RBM44: variants seen among roughly 807,000 people sequenced by gnomAD.
The protein encoded by RBM44 is RNA binding motif protein 44.
A neutral mutation model predicts 105.1 loss-of-function variants in RBM44; 66 were observed. The observed-to-expected ratio is 0.63, with a 90% CI of 0.52 to 0.77. The LOEUF is 0.77. RBM44 is among the 30% of genes least tolerant of loss of function. RBM44 has a pLI of 0.00. For synonymous variants in RBM44, 365 were observed against 417.6 expected (o/e 0.87, Z 1.54); for missense variants, 1,122 against 1,207.8 (o/e 0.93, Z 1.05).
At chr2:237,801,014 C>T (rs1454441260) in intron 1 of RBM44, among the ~76,000 whole-genome samples, 1 of 152,072 alleles carries the variant, frequency 6.6e-6, no homozygotes, top group Non-Finnish European at 1.5e-5. Context: ...CTACTGCGCC[C>T]AGCTGGGGTT....
intron 15 of RBM44, among the ~76,000 whole-genome samples, chr2:237,838,059 G>A (rs963189680): frequency 2.0e-5 from 3 of 152,216 alleles, no homozygotes; most frequent in African/African-American, 7.2e-5. Flanking sequence ...GTCAATTGAT[G>A]CAGCAAACTT....
At chr2:237,835,694 G>A (rs1351652888) in intron 15 of RBM44, among the ~76,000 whole-genome samples, 3 of 152,060 alleles carry the variant, frequency 2.0e-5, no homozygotes, top group Non-Finnish European at 2.9e-5. Context: ...AGAGAGGGGA[G>A]GAAGCTGAGG....
chr2:237,815,748 T>G (rs1192412878), intron 2 of RBM44, among the ~76,000 whole-genome samples: 1 of 152,148 alleles, frequency 6.6e-6, no homozygotes, highest in Non-Finnish European at 1.5e-5. Flanking sequence ...TGAAAACCAC[T>G]GCTCTCTCTC....
chr2:237,817,175 G>T lies in RBM44; in HGVS notation c.256G>T (p.Asp86Tyr). 6.2e-7 allele frequency: 1 copy of T among 1,605,620 alleles called. No individual in the cohort carries two copies. The highest frequency in any genetic ancestry group is 8.5e-7 in the Non-Finnish European group (1 of 1,176,556). ...AGAGCCATTTTTTTCAGTGAGTCAA[G>T]ATACTAACACAGAGAGTACTCAGTT... ...LLEPFFSVSQ[D>Y]TNTESTQFQS... The change falls in exon 3 of 16, where the codon GAT (aspartate) becomes TAT (tyrosine). Residue 86 changes from aspartate (D) to tyrosine (Y), a missense_variant. By Grantham distance (160) the Asp-to-Tyr change is radical. Transcript: ENST00000316997.
At chr2:237,799,997 C>T (rs2150963562) in intron 1 of RBM44, among the ~76,000 whole-genome samples, 1 of 152,162 alleles carries the variant, frequency 6.6e-6, no homozygotes, top group South Asian at 2.1e-4. Flanking sequence ...TGGGCATGTA[C>T]CTAGGAGTGG....
intron 1 of RBM44, among the ~76,000 whole-genome samples, chr2:237,802,292 A>G (rs946709808): frequency 1.3e-5 from 2 of 152,230 alleles, no homozygotes; most frequent in Admixed American, 1.3e-4. Flanking sequence ...GCTTCCTGTC[A>G]GATCAGCAGC....
chr2:237,813,595 A>T lies in RBM44; in HGVS notation c.-15A>T. ...TCAATATTTATACCTTTTCTAGATTATATATCTTTGAATGATGCAGGCCAC... is the reference window on the plus strand; with the variant it reads ...TCAATATTTATACCTTTTCTAGATTTTATATCTTTGAATGATGCAGGCCAC... On this transcript the variant is annotated 5_prime_UTR_variant, in exon 2 of 16. Coordinates refer to ENST00000316997, the MANE Select transcript of RBM44 (RefSeq NM_001080504.3). 6.4e-7 allele frequency: 1 copy of T among 1,553,852 alleles called. No homozygotes were observed. Among genetic ancestry groups the T allele is most frequent in the Non-Finnish European group, 8.9e-7 (1 of 1,126,606 alleles).
intron 4 of RBM44, 129 bp from the exon 5 acceptor site, chr2:237,820,046 C>T: frequency 2.1e-6 from 1 of 475,402 alleles, no homozygotes; most frequent in Non-Finnish European, 3.7e-6. Context: ...ACAGCCTCTT[C>T]ATCTTTAGTA....
In RBM44 at chr2:237,818,283, CAG is replaced by C. The variant is rs1181853379; in HGVS notation, c.1366_1367del (p.Asp456CysfsTer9). On this transcript the variant is annotated frameshift_variant, in exon 3 of 16. Coordinates refer to ENST00000316997, the MANE Select transcript of RBM44 (RefSeq NM_001080504.3). LOFTEE classifies it high-confidence loss of function. The surrounding 1 kb of genome is among the most constrained non-coding windows in gnomAD (Gnocchi z 4.6). ...GGAGAAATGTGTACTAAATCATTGA[CAG>C]ATGCAGCAAGTTGTACAGTCACAAT... is the stretch of plus-strand genomic sequence containing the variant. 1.2e-6 allele frequency: 2 copies of C among 1,613,168 alleles called. No individual in the cohort carries two copies. The highest frequency in any genetic ancestry group is 3.3e-5 in the Admixed American group (2 of 59,860).
chr2:237,814,789 C>T (rs1156298047), intron 2 of RBM44, among the ~76,000 whole-genome samples: 2 of 151,978 alleles, frequency 1.3e-5, no homozygotes, highest in Non-Finnish European at 2.9e-5. Flanking sequence ...AATGGTATTA[C>T]GACAATTGAC....
intron 15 of RBM44, among the ~76,000 whole-genome samples, chr2:237,837,973 GA>G (rs1224878552): frequency 2.0e-5 from 3 of 151,608 alleles, no homozygotes; most frequent in Non-Finnish European, 4.4e-5. Context: ...CTCCAATTTT[GA>G]AAGAAGTCCT....
chr2:237,818,744 T>C lies in RBM44; in HGVS notation c.1677+148T>C, dbSNP rs1023098142. 2 of 693,646 alleles carry C rather than the reference T, an allele frequency of 2.9e-6. No homozygotes were observed. Among genetic ancestry groups the C allele is most frequent in the African/African-American group, 1.8e-5 (1 of 54,452 alleles). The allele number at this position is 693,646 out of a possible 1,614,324, so 43.0% of individuals were successfully genotyped here. ...ATTAAAAAGGGAGTAAATTAAAAAG[T>C]AAATTAAAAAAAAAAGACGTGTAAA... On this transcript the variant is annotated intron_variant, in intron 3 of 15. Coordinates refer to ENST00000316997, the MANE Select transcript of RBM44 (RefSeq NM_001080504.3). The surrounding 1 kb of genome is among the most constrained non-coding windows in gnomAD (Gnocchi z 4.6).
intron 15 of RBM44, among the ~76,000 whole-genome samples, chr2:237,838,202 C>A (rs2061978185): frequency 6.6e-6 from 1 of 152,124 alleles, no homozygotes; most frequent in Non-Finnish European, 1.5e-5. Flanking sequence ...GAAAGTTTAC[C>A]TTAAGAGTGC....
intron 1 of RBM44, among the ~76,000 whole-genome samples, chr2:237,806,966 A>G (rs1319527568): frequency 6.6e-6 from 1 of 152,174 alleles, no homozygotes; most frequent in Non-Finnish European, 1.5e-5. Flanking sequence ...TATCTTTTTC[A>G]TAAATTCTCT....
intron 1 of RBM44, among the ~76,000 whole-genome samples, chr2:237,807,402 G>C (rs2061610196): frequency 6.6e-6 from 1 of 152,172 alleles, no homozygotes. Flanking sequence ...TGCCACCTTG[G>C]CTTCCCAAAG....
chr2:237,799,574 G>A (rs1294865456), intron 1 of RBM44, among the ~76,000 whole-genome samples: 1 of 152,174 alleles, frequency 6.6e-6, no homozygotes, highest in African/African-American at 2.4e-5. Flanking sequence ...CCAGAGTGCT[G>A]GGATTACAGG....
At chr2:237,824,007 CA>C (rs1308467171) in intron 9 of RBM44, among the ~76,000 whole-genome samples, 1 of 151,916 alleles carries the variant, frequency 6.6e-6, no homozygotes, top group Non-Finnish European at 1.5e-5. Flanking sequence ...TTCAAAATGC[CA>C]AAAATTAAGG....
In RBM44 at chr2:237,818,409, C is replaced by T; in HGVS notation, c.1490C>T (p.Thr497Ile). 6.2e-7 allele frequency: 1 copy of T among 1,612,416 alleles called. No individual in the cohort carries two copies. The highest frequency in any genetic ancestry group is 8.5e-7 in the Non-Finnish European group (1 of 1,179,028). Residue 497 changes from threonine to isoleucine, a missense_variant, in exon 3 of 16, where the codon ACA becomes ATA. Around this residue, in one of 3 missense-constraint regions of RBM44, gnomAD observed 918 missense variants for 955.3 expected, o/e 0.96. Transcript: ENST00000316997. This position sits in a 1 kb window ranked among gnomAD's most constrained non-coding sequence, Gnocchi z 4.6. ...TCTGTAGTATCTACATCAAGCAACA[C>T]AGAGATAACAATGATGAATAAAAAA... ...RPSVVSTSSN[T>I]EITMMNKKRP...
chr2:237,818,938 A>T lies in RBM44; in HGVS notation c.1715A>T (p.Asp572Val). The change falls in exon 4 of 16, where the codon GAC (aspartate) becomes GTC (valine). Residue 572 changes from aspartate (D) to valine (V), a missense_variant. By Grantham distance (152) the Asp-to-Val change is radical. Transcript: ENST00000316997. This position sits in a 1 kb window ranked among gnomAD's most constrained non-coding sequence, Gnocchi z 4.6. The part of the protein sequence containing the change: ...LELRKACGIT[D>V]LKKHPEREFQ... ...TTAAGAAAAGCATGTGGTATCACAG[A>T]CCTAAAGAAACATCCTGAGAGGTAC... 1 of 1,480,638 alleles carries T rather than the reference A, an allele frequency of 6.8e-7. No individual in the cohort carries two copies. The highest frequency in any genetic ancestry group is 9.2e-7 in the Non-Finnish European group (1 of 1,089,168). 91.7% of individuals were successfully genotyped at this position (1,480,638 alleles called of 1,614,324 possible).
Sources: gnomAD v4.1 joint callset for allele counts (sites outside exome capture counted in the v4.1 genomes callset) on GRCh38, gnomAD v4.1.1 for gene constraint, gnomAD v4.1.1 regional missense constraint, Gnocchi (gnomAD v3.1) non-coding constraint, MANE v1.5 for transcripts, NCBI Gene and HGNC (gene_info 2026-07-23, HGNC 2026-07-21) for gene names.